KLHL13: variants seen among roughly 807,000 people sequenced by gnomAD.
The protein encoded by KLHL13 is kelch-like protein 13.
KLHL13 carries 10 observed loss-of-function variants against 37.1 expected under a neutral mutation model. That is an observed-to-expected ratio of 0.27 (90% CI 0.17 to 0.46). The LOEUF (loss-of-function observed/expected upper bound fraction) is 0.46, where lower values mean the gene tolerates loss of function less well. KLHL13 is among the 20% of genes least tolerant of loss of function. The probability of loss-of-function intolerance (pLI) is 1.00; values close to 1 mark genes in which losing one functional copy is unlikely to be tolerated. For synonymous variants in KLHL13, 163 were observed against 181.2 expected (o/e 0.90, Z 0.81); for missense variants, 360 against 509.3 (o/e 0.71, Z 2.82).
rs138775184 is a variant in KLHL13, at chrX:117,950,960, C to T, written c.99-5385G>A. Among the ~76,000 whole-genome samples, 1,031 of 112,002 alleles carry T rather than the reference C, an allele frequency of 9.2e-3. 17 individuals carry two copies. Among genetic ancestry groups the T allele is most frequent in the African/African-American group, 0.031 (958 of 30,854 alleles). On this transcript the variant is annotated intron_variant, in intron 1 of 6. Coordinates refer to ENST00000262820, the Ensembl canonical transcript of KLHL13. ...AAATCTGTCAAGGTATTTCCTTCCA[C>T]CCTTGAGAAATAAATTAAAAACTTA...
chrX:117,926,021 CA>C (rs2147721307), intron 2 of KLHL13, among the ~76,000 whole-genome samples: 1 of 111,867 alleles, frequency 8.9e-6, no homozygotes, highest in Admixed American at 9.4e-5. Context: ...ATCTCTCACA[CA>C]ATCATCTCTA....
chrX:118,008,932 T>C (rs761590491), intron 1 of KLHL13, among the ~76,000 whole-genome samples: 25 of 111,855 alleles, frequency 2.2e-4, no homozygotes, highest in African/African-American at 7.8e-4. Flanking sequence ...GTTTTGTACC[T>C]AGTACAAAGT....
chrX:118,015,613 G>C (rs751155388), intron 1 of KLHL13, among the ~76,000 whole-genome samples: 1 of 111,201 alleles, frequency 9.0e-6, no homozygotes, highest in East Asian at 2.8e-4. Context: ...CCCAAGAACA[G>C]ATATACTTTC....
upstream of KLHL13, among the ~76,000 whole-genome samples, chrX:117,975,149 G>C (rs761221064): frequency 4.6e-5 from 5 of 108,663 alleles, no homozygotes; most frequent in African/African-American, 1.7e-4. Flanking sequence ...GGGGCAACTT[G>C]TTTGAAATCC....
intron 2 of KLHL13, among the ~76,000 whole-genome samples, chrX:117,924,528 A>G (rs976523408): frequency 2.7e-5 from 3 of 112,237 alleles, no homozygotes; most frequent in African/African-American, 9.7e-5. Flanking sequence ...TTCTTGAAAG[A>G]TTTACATGAA....
intron 2 of KLHL13, among the ~76,000 whole-genome samples, chrX:117,927,272 C>A (rs1399638261): frequency 1.8e-5 from 2 of 111,585 alleles, no homozygotes; most frequent in Non-Finnish European, 1.9e-5. Flanking sequence ...TCGCCCCGCC[C>A]CGCCCCTCCC....
intron 1 of KLHL13, chrX:118,028,426 G>C (rs1381907632): frequency 9.0e-7 from 1 of 1,112,539 alleles, no homozygotes; most frequent in Admixed American, 2.6e-5. Flanking sequence ...AAATATACCG[G>C]TTACGAAGTA....
At chrX:118,033,269 C>G (rs1252419911) in intron 1 of KLHL13, among the ~76,000 whole-genome samples, 2 of 110,733 alleles carry the variant, frequency 1.8e-5, no homozygotes, top group African/African-American at 6.6e-5. Context: ...TCAAGAAGAG[C>G]AACTCTAAGA....
At chrX:118,103,525 C>T (rs1387425657) in intron 1 of KLHL13, among the ~76,000 whole-genome samples, 3 of 111,125 alleles carry the variant, frequency 2.7e-5, no homozygotes, top group Non-Finnish European at 5.7e-5. Context: ...AAGAAAAATT[C>T]GGTAAAATTA....
chrX:118,007,987 T>C (rs1176172941), intron 1 of KLHL13, among the ~76,000 whole-genome samples: 1 of 111,804 alleles, frequency 8.9e-6, no homozygotes, highest in Non-Finnish European at 1.9e-5. Context: ...AAGTGTCGAA[T>C]GGAGGGAAGG....
chrX:118,025,103 C>T (rs1392678657), intron 1 of KLHL13, among the ~76,000 whole-genome samples: 4 of 111,720 alleles, frequency 3.6e-5, no homozygotes, highest in Non-Finnish European at 7.5e-5. Flanking sequence ...CTGATCTACT[C>T]CTGTTTTCAC....
chrX:118,032,778 C>G (rs917195175), intron 1 of KLHL13, among the ~76,000 whole-genome samples: 4 of 111,833 alleles, frequency 3.6e-5, no homozygotes, highest in Non-Finnish European at 5.6e-5. Flanking sequence ...AGGCTTCAGA[C>G]GGTCAAATTA....
intron 1 of KLHL13, among the ~76,000 whole-genome samples, chrX:118,046,924 T>C (rs1054842123): frequency 8.9e-6 from 1 of 111,980 alleles, no homozygotes; most frequent in African/African-American, 3.2e-5. Flanking sequence ...TGGTGACCTT[T>C]ACCAAGAGCA....
chrX:118,032,219 T>C lies in KLHL13; in HGVS notation c.-56+84289A>G, dbSNP rs769881780. 4.2e-4 allele frequency among the ~76,000 whole-genome samples: 47 copies of C among 111,359 alleles called. No homozygotes were observed. The East Asian group carries it at 0.011, about 26-fold the overall frequency. On this transcript the variant is annotated intron_variant, in intron 1 of 6. Coordinates refer to the KLHL13 transcript ENST00000371882. ...AGGTAAACAAAGCAGCCAGGAAGCT[T>C]GAACTGGTTGGAGCCCACCACAGCT...
At chrX:118,107,223 A>AAT (rs2055356633) in intron 1 of KLHL13, among the ~76,000 whole-genome samples, 1 of 112,311 alleles carries the variant, frequency 8.9e-6, no homozygotes, top group Non-Finnish European at 1.9e-5. Context: ...ATCACATTTA[A>AAT]ATATATATTG....
intron 1 of KLHL13, among the ~76,000 whole-genome samples, chrX:118,067,720 C>G (rs1357319238): frequency 9.0e-6 from 1 of 110,745 alleles, no homozygotes; most frequent in Non-Finnish European, 1.9e-5. Context: ...CTTCCACCTC[C>G]ACATCGCATC....
At chrX:118,097,451 C>T (rs1218572931) in intron 1 of KLHL13, among the ~76,000 whole-genome samples, 1 of 111,632 alleles carries the variant, frequency 9.0e-6, no homozygotes, top group African/African-American at 3.3e-5. Context: ...AATGAAAGAA[C>T]ATTCCATGCT....
At chrX:117,998,019 C>T (rs144451728) in intron 1 of KLHL13, among the ~76,000 whole-genome samples, 141 of 110,952 alleles carry the variant, frequency 1.3e-3, no homozygotes, top group African/African-American at 4.5e-3. Context: ...CTCACCAAGA[C>T]AGAAATTGAG....
chrX:118,048,877 C>T (rs934594341), intron 1 of KLHL13, among the ~76,000 whole-genome samples: 5 of 111,821 alleles, frequency 4.5e-5, no homozygotes, highest in African/African-American at 1.6e-4. Context: ...TTCAATATAG[C>T]TCACCAGAAA....
Sources: allele counts gnomAD v4.1 joint callset (sites outside exome capture counted in the v4.1 genomes callset), GRCh38; gene constraint gnomAD v4.1.1; transcripts MANE v1.5; gene names NCBI Gene and HGNC (gene_info 2026-07-23, HGNC 2026-07-21).